The following C17orf114 variants were observed in gnomAD, a reference collection of about 807,000 sequenced individuals.
The protein encoded by C17orf114 is uncharacterized protein C17orf114.
intron 1 of C17orf114, among the ~76,000 whole-genome samples, chr17:4,802,029 G>A (rs1597312374): frequency 6.6e-6 from 1 of 152,024 alleles, no homozygotes; most frequent in African/African-American, 2.4e-5. Context: ...GTACCCGGCC[G>A]AAATTCTTAA....
At chr17:4,801,305 T>C in exon 2 of C17orf114, 1 of 398,710 alleles carries the variant, frequency 2.5e-6, no homozygotes, top group South Asian at 1.3e-4. Context: ...GGTGGAGTCA[T>C]TGGCCGATGC....
chr17:4,806,700 G>C (rs1905845386), upstream of C17orf114: 1 of 152,078 alleles, frequency 6.6e-6, no homozygotes, highest in African/African-American at 2.4e-5. Context: ...AACGCTATCT[G>C]GGCTAGGCCA....
chr17:4,805,636 T>G (rs889508564), upstream of C17orf114, among the ~76,000 whole-genome samples: 1 of 150,656 alleles, frequency 6.6e-6, no homozygotes, highest in East Asian at 2.0e-4. Flanking sequence ...ATCACGCCAC[T>G]GCAGTCCAGC....
chr17:4,803,235 G>T (rs563309135), upstream of C17orf114, among the ~76,000 whole-genome samples: 11 of 151,432 alleles, frequency 7.3e-5, no homozygotes, highest in Non-Finnish European at 1.6e-4. Flanking sequence ...ATCTTTTGAG[G>T]TAAGTCCCTC....
upstream of C17orf114, among the ~76,000 whole-genome samples, chr17:4,803,406 GTTTTTTTTAATTT>G: frequency 8.6e-6 from 1 of 115,862 alleles, no homozygotes; most frequent in Non-Finnish European, 1.9e-5. Context: ...AAAATCTATT[GTTTTTTTTAATTT>G]TTTTTTTTTT....
chr17:4,801,590 C>A (rs559365623), intron 1 of C17orf114, 135 bp from the exon 2 acceptor site: 107 of 397,674 alleles, frequency 2.7e-4, no homozygotes, highest in Admixed American at 6.6e-4. Flanking sequence ...TTGGTGGCAG[C>A]AGCAGGGGGA....
chr17:4,806,868 A>T (rs2150665077), upstream of C17orf114: 1 of 149,126 alleles, frequency 6.7e-6, no homozygotes, highest in South Asian at 2.1e-4. Context: ...CCCGGGAGGC[A>T]GCGGCCGGGC....
upstream of C17orf114, among the ~76,000 whole-genome samples, chr17:4,806,295 C>T (rs759553855): frequency 7.2e-5 from 11 of 152,170 alleles, no homozygotes; most frequent in Non-Finnish European, 1.6e-4. Flanking sequence ...GTTAAACACA[C>T]ACTGATATGA....
chr17:4,805,493 G>A (rs764406552), upstream of C17orf114, among the ~76,000 whole-genome samples: 5 of 152,140 alleles, frequency 3.3e-5, no homozygotes, highest in Non-Finnish European at 5.9e-5. Flanking sequence ...GGGAGGCTGA[G>A]GAGGGCGGAT....
upstream of C17orf114, among the ~76,000 whole-genome samples, chr17:4,803,864 G>C (rs1905576150): frequency 6.6e-6 from 1 of 151,926 alleles, no homozygotes; most frequent in East Asian, 1.9e-4. Context: ...TGGGATTACA[G>C]GCACCCGCCA....
chr17:4,804,192 GT>G (rs1186473595), upstream of C17orf114, among the ~76,000 whole-genome samples: 19 of 150,106 alleles, frequency 1.3e-4, no homozygotes, highest in Admixed American at 2.7e-4. Flanking sequence ...GAAGTGCTGT[GT>G]TTTTTTTCTT....
chr17:4,802,335 G>A lies in C17orf114; in HGVS notation c.-16C>T, dbSNP rs1236414509. On this transcript the variant is annotated 5_prime_UTR_variant, in exon 1 of 2. Transcript: ENST00000635921. Reference sequence around the variant, plus strand: ...TCAGACCCATCTCAACAGTGGAGGCGATCAGAGCTGGGAATGGCCAGGAGG... The same window carrying A: ...TCAGACCCATCTCAACAGTGGAGGCAATCAGAGCTGGGAATGGCCAGGAGG... 1.3e-5 allele frequency: 5 copies of A among 399,000 alleles called. No individual in the cohort carries two copies. The highest frequency in any genetic ancestry group is 1.3e-4 in the South Asian group (1 of 7,858). The allele number at this position is 399,000 out of a possible 1,614,324, so 24.7% of individuals were successfully genotyped here.
At chr17:4,803,416 ATTTTT>A (rs34116712), upstream of C17orf114, among the ~76,000 whole-genome samples, 3 of 75,450 alleles carry the variant, frequency 4.0e-5, no homozygotes, top group Admixed American at 2.2e-4. Flanking sequence ...GTTTTTTTTA[ATTTTT>A]TTTTTTTTTT....
upstream of C17orf114, chr17:4,802,394 C>A (rs974364199): frequency 1.3e-5 from 5 of 398,484 alleles, no homozygotes; most frequent in African/African-American, 2.1e-5. Flanking sequence ...TCCAAGCCCC[C>A]CCACCATGGG....
upstream of C17orf114, among the ~76,000 whole-genome samples, chr17:4,806,230 G>A (rs977050048): frequency 2.0e-5 from 3 of 152,152 alleles, no homozygotes; most frequent in Non-Finnish European, 4.4e-5. Flanking sequence ...ACTGATTTTG[G>A]AAATCTAGAA....
chr17:4,805,770 T>G (rs914598231), upstream of C17orf114, among the ~76,000 whole-genome samples: 2 of 151,856 alleles, frequency 1.3e-5, no homozygotes, highest in Admixed American at 6.6e-5. Flanking sequence ...GATAACACGG[T>G]GAGACCCCGT....
At chr17:4,805,422 C>A (rs1443135113), upstream of C17orf114, among the ~76,000 whole-genome samples, 1 of 135,868 alleles carries the variant, frequency 7.4e-6, no homozygotes. Flanking sequence ...AACTCTGTCT[C>A]AAAAAAAAAA....
upstream of C17orf114, among the ~76,000 whole-genome samples, chr17:4,805,565 A>C (rs1216661061): frequency 6.6e-6 from 1 of 151,290 alleles, no homozygotes; most frequent in Non-Finnish European, 1.5e-5. Flanking sequence ...TCTCTACTAA[A>C]AATACAAAAA....
At chr17:4,803,982 A>G (rs1039722466), upstream of C17orf114, among the ~76,000 whole-genome samples, 3 of 152,042 alleles carry the variant, frequency 2.0e-5, no homozygotes, top group African/African-American at 7.2e-5. Flanking sequence ...TCAGCCTCCC[A>G]AAGTGCTGGG....
Sources: gnomAD v4.1 joint callset for allele counts (sites outside exome capture counted in the v4.1 genomes callset) on GRCh38, gnomAD v4.1.1 for gene constraint, MANE v1.5 for transcripts, NCBI Gene and HGNC (gene_info 2026-07-23, HGNC 2026-07-21) for gene names.